The following SYN2 variants were observed in gnomAD, a reference collection of about 807,000 sequenced individuals.
The protein encoded by SYN2 is synapsin II.
SYN2 carries 19 observed loss-of-function variants against 50.9 expected under a neutral mutation model. That is an observed-to-expected ratio of 0.37 (90% CI 0.26 to 0.55). The LOEUF (loss-of-function observed/expected upper bound fraction) is 0.55. SYN2 is among the 20% of genes least tolerant of loss of function. SYN2 has a pLI of 0.81. For missense variants in SYN2, 587 were observed against 576.4 expected, an observed-to-expected ratio of 1.02 and a Z score of -0.19; for synonymous variants, 255 against 224.9, an observed-to-expected ratio of 1.13 and a Z score of -1.20.
chr3:12,011,257 G>GA (rs1221004376), intron 1 of SYN2, among the ~76,000 whole-genome samples: 1 of 152,070 alleles, frequency 6.6e-6, no homozygotes, highest in Admixed American at 6.5e-5. Flanking sequence ...TTTTTTATAA[G>GA]AAAAAAATTG....
chr3:12,177,673 G>A (rs1698112928), intron 10 of SYN2, among the ~76,000 whole-genome samples: 1 of 152,192 alleles, frequency 6.6e-6, no homozygotes, highest in South Asian at 2.1e-4. Flanking sequence ...AGAATGTGAG[G>A]AGATTTGGGG....
chr3:12,151,477 C>G (rs1016836210), intron 5 of SYN2, among the ~76,000 whole-genome samples, 151 bp downstream of exon 5: 1 of 152,164 alleles, frequency 6.6e-6, no homozygotes, highest in African/African-American at 2.4e-5. Context: ...GCTGGAATAA[C>G]TAGATTTTAG....
intron 1 of SYN2, among the ~76,000 whole-genome samples, chr3:12,037,494 A>G (rs1694523070): frequency 6.6e-6 from 1 of 152,236 alleles, no homozygotes; most frequent in African/African-American, 2.4e-5. Flanking sequence ...AAGGGGCTGT[A>G]TCTGGTGAGG....
rs1297290984 is a variant in SYN2 at position 12,009,454 on chromosome 3, T to C, written c.377+4526T>C. ...CTGGTGGGGACTTTTAGTCTCATAATGATAGCATTTAAACCTGAGGGAACC... is the reference window on the plus strand; with the variant it reads ...CTGGTGGGGACTTTTAGTCTCATAACGATAGCATTTAAACCTGAGGGAACC... On this transcript the variant is annotated intron_variant, in intron 1 of 12. Coordinates refer to ENST00000621198, the MANE Select transcript of SYN2 (RefSeq NM_133625.6). 3.3e-5 allele frequency among the ~76,000 whole-genome samples: 5 copies of C among 152,180 alleles called. 1 individual carries two copies. In the East Asian group the frequency reaches 7.7e-4, roughly 23 times the overall value.
intron 1 of SYN2, among the ~76,000 whole-genome samples, chr3:12,124,812 T>C (rs57598348): frequency 0.081 from 12,381 of 152,082 alleles, 619 homozygotes; most frequent in African/African-American, 0.13. Flanking sequence ...GAATAATGAA[T>C]GTTAATTCAG....
At chr3:12,069,811 G>A (rs1695305028) in intron 1 of SYN2, among the ~76,000 whole-genome samples, 1 of 150,552 alleles carries the variant, frequency 6.6e-6, no homozygotes, top group Non-Finnish European at 1.5e-5. Flanking sequence ...TTTTGTTTTG[G>A]GTTTTTTTTT....
chr3:12,146,135 C>T (rs1051766432), intron 4 of SYN2, among the ~76,000 whole-genome samples: 4 of 152,186 alleles, frequency 2.6e-5, no homozygotes, highest in Admixed American at 6.5e-5. Flanking sequence ...ACAAAGATAC[C>T]GTGAAGAAGC....
At chr3:12,109,812 T>C (rs899170018) in intron 1 of SYN2, among the ~76,000 whole-genome samples, 2 of 152,218 alleles carry the variant, frequency 1.3e-5, no homozygotes, top group Non-Finnish European at 2.9e-5. Flanking sequence ...AATTCAGATC[T>C]AAGTTTGTAT....
chr3:12,114,989 C>T (rs941241143), intron 1 of SYN2, among the ~76,000 whole-genome samples: 16 of 152,290 alleles, frequency 1.1e-4, no homozygotes, highest in African/African-American at 3.8e-4. Context: ...ACTTGCCTTT[C>T]CATCCCCAAT....
chr3:12,145,621 A>C (rs1697127965), intron 3 of SYN2, 58 bp from the exon 4 acceptor site: 1 of 1,580,096 alleles, frequency 6.3e-7, no homozygotes. Context: ...TGGGAACCAA[A>C]ATGATGTATG....
intron 5 of SYN2, chr3:12,156,955 A>T (rs753506025): frequency 1.1e-5 from 17 of 1,577,936 alleles, no homozygotes; most frequent in Non-Finnish European, 1.3e-5. Flanking sequence ...ATTACAAAAA[A>T]AGGCAATATT....
chr3:12,103,393 A>G (rs755410355), intron 1 of SYN2, among the ~76,000 whole-genome samples: 19 of 152,210 alleles, frequency 1.2e-4, no homozygotes, highest in Non-Finnish European at 2.4e-4. Context: ...TGAAATAATA[A>G]TACATAATTA....
At chr3:12,024,149 CTTTTTTTTT>C (rs35513783) in intron 1 of SYN2, among the ~76,000 whole-genome samples, 2 of 68,304 alleles carry the variant, frequency 2.9e-5, no homozygotes, top group African/African-American at 6.1e-5. Flanking sequence ...TCATTACTTC[CTTTTTTTTT>C]TTTTTTTTTT....
intron 7 of SYN2, among the ~76,000 whole-genome samples, chr3:12,164,010 C>T (rs1217298571): frequency 1.3e-5 from 2 of 152,068 alleles, no homozygotes; most frequent in Non-Finnish European, 2.9e-5. Context: ...GGAGATCGGG[C>T]TGCAGTGAGC....
At chr3:12,020,378 G>A (rs1017574835) in intron 1 of SYN2, among the ~76,000 whole-genome samples, 1 of 128,322 alleles carries the variant, frequency 7.8e-6, no homozygotes, top group African/African-American at 3.1e-5. Flanking sequence ...CTCTTCTTCT[G>A]TCCCCCCAGT....
chr3:12,176,335 C>T (rs1698067770), intron 10 of SYN2, among the ~76,000 whole-genome samples: 1 of 152,214 alleles, frequency 6.6e-6, no homozygotes, highest in African/African-American at 2.4e-5. Context: ...TCTCATTATA[C>T]TGGTTCCACT....
At chr3:12,095,451 G>GGA (rs386395965) in intron 1 of SYN2, among the ~76,000 whole-genome samples, 1 of 3,342 alleles carries the variant, frequency 3.0e-4, no homozygotes, top group Non-Finnish European at 5.2e-4. Context: ...GGGAGACTGA[G>GGA]GCAGGAGAAT....
chr3:12,033,805 A>T (rs751504858), intron 1 of SYN2, among the ~76,000 whole-genome samples: 15 of 152,146 alleles, frequency 9.9e-5, no homozygotes, highest in Non-Finnish European at 2.1e-4. Context: ...TCTTAGCATA[A>T]TGTTTTCAGG....
intron 7 of SYN2, among the ~76,000 whole-genome samples, chr3:12,164,162 A>T (rs1163964554): frequency 6.6e-6 from 1 of 152,192 alleles, no homozygotes; most frequent in Non-Finnish European, 1.5e-5. Flanking sequence ...ACCTTCAGGC[A>T]CCTAGGAAAG....
Sources: gnomAD v4.1 joint callset for allele counts (sites outside exome capture counted in the v4.1 genomes callset) on GRCh38, gnomAD v4.1.1 for gene constraint, MANE v1.5 for transcripts, NCBI Gene and HGNC (gene_info 2026-07-23, HGNC 2026-07-21) for gene names.